The following LRRC7 variants were observed in gnomAD, a reference collection of about 807,000 sequenced individuals.
The protein encoded by LRRC7 is leucine-rich repeat-containing protein 7.
Under a neutral mutation model 175.7 loss-of-function variants are expected in LRRC7, and 23 were observed. The observed-to-expected ratio is 0.13, with a 90% CI of 0.09 to 0.19. LRRC7 has a LOEUF of 0.19. Among genes scored for constraint, LRRC7 ranks in the 10% least tolerant of loss-of-function variants. The pLI is 1.00. For synonymous variants in LRRC7, 685 were observed against 680.9 expected, an observed-to-expected ratio of 1.01 and a Z score of -0.09; for missense variants, 1,354 against 1,904.7, an observed-to-expected ratio of 0.71 and a Z score of 5.38.
chr1:70,089,605 T>G, intron 24 of LRRC7, 122 bp from the exon 25 acceptor site: 1 of 618,770 alleles, frequency 1.6e-6, no homozygotes, highest in East Asian at 3.1e-5. Context: ...GTGTATCAAC[T>G]CAACATAGGC....
intron 2 of LRRC7, among the ~76,000 whole-genome samples, chr1:69,707,241 C>T (rs565638264): frequency 3.3e-5 from 5 of 152,108 alleles, no homozygotes; most frequent in African/African-American, 1.2e-4. Context: ...AACAGTCTTT[C>T]GGCTTGTGTT....
At chr1:70,115,816 G>T (rs1665812032) in intron 26 of LRRC7, among the ~76,000 whole-genome samples, 1 of 151,662 alleles carries the variant, frequency 6.6e-6, no homozygotes, top group Admixed American at 6.5e-5. Context: ...TCATTTAAGA[G>T]CCTGATAAAA....
At chr1:69,801,013 T>C (rs531682419) in intron 4 of LRRC7, among the ~76,000 whole-genome samples, 6 of 152,070 alleles carry the variant, frequency 3.9e-5, no homozygotes, top group African/African-American at 1.4e-4. Context: ...TGTTTTTACT[T>C]TTGTTTATGT....
chr1:70,033,246 T>A (rs1658952057), intron 18 of LRRC7, among the ~76,000 whole-genome samples: 1 of 152,096 alleles, frequency 6.6e-6, no homozygotes. Flanking sequence ...GAATTATGAT[T>A]TTACCTCACT....
chr1:70,008,190 C>G (rs1424556160), intron 11 of LRRC7, among the ~76,000 whole-genome samples: 4 of 152,162 alleles, frequency 2.6e-5, no homozygotes, highest in Non-Finnish European at 5.9e-5. Context: ...AAGATGTAGG[C>G]TGGGGGGCTA....
At chr1:70,063,472 T>A (rs951251100) in intron 23 of LRRC7, among the ~76,000 whole-genome samples, 1 of 152,088 alleles carries the variant, frequency 6.6e-6, no homozygotes, top group African/African-American at 2.4e-5. Context: ...ATTGTTCTCA[T>A]TTGCTTATGG....
chr1:70,052,292 G>A (rs188869819), intron 22 of LRRC7, among the ~76,000 whole-genome samples: 1 of 151,986 alleles, frequency 6.6e-6, no homozygotes, highest in East Asian at 1.9e-4. Context: ...ATAAAGACAG[G>A]CAGGTATTAG....
intron 4 of LRRC7, among the ~76,000 whole-genome samples, chr1:69,793,512 T>C (rs1020276748): frequency 7.9e-5 from 12 of 152,114 alleles, no homozygotes; most frequent in African/African-American, 2.7e-4. Flanking sequence ...ATATCTGCAA[T>C]GCTCATTTCC....
At chr1:69,991,418 T>G (rs557598990) in intron 10 of LRRC7, among the ~76,000 whole-genome samples, 8 of 152,296 alleles carry the variant, frequency 5.3e-5, no homozygotes, top group African/African-American at 1.9e-4. Flanking sequence ...TGTAGTAGCT[T>G]ACTCCTTGAA....
intron 8 of LRRC7, among the ~76,000 whole-genome samples, chr1:69,948,429 T>G (rs1649566453): frequency 6.6e-6 from 1 of 152,146 alleles, no homozygotes; most frequent in Non-Finnish European, 1.5e-5. Flanking sequence ...CCACTCCAAC[T>G]GTAAAGTAAT....
At chr1:69,956,369 A>G (rs1462795222) in intron 8 of LRRC7, among the ~76,000 whole-genome samples, 1 of 151,768 alleles carries the variant, frequency 6.6e-6, no homozygotes. Flanking sequence ...AGAGCTGCAT[A>G]TGGGATTGGT....
chr1:69,796,509 G>A (rs1169562904), intron 4 of LRRC7, among the ~76,000 whole-genome samples: 1 of 152,056 alleles, frequency 6.6e-6, no homozygotes, highest in Non-Finnish European at 1.5e-5. Context: ...TTTCAGTCAG[G>A]TGCAGTGGCT....
intron 1 of LRRC7, among the ~76,000 whole-genome samples, chr1:69,571,162 G>GA (rs1449119263): frequency 1.3e-5 from 2 of 152,094 alleles, no homozygotes; most frequent in Non-Finnish European, 2.9e-5. Flanking sequence ...GACTATCCAA[G>GA]AAAAAATGTG....
intron 1 of LRRC7, among the ~76,000 whole-genome samples, chr1:69,600,878 C>T (rs1239579551): frequency 1.5e-5 from 2 of 131,254 alleles, no homozygotes; most frequent in African/African-American, 2.8e-5. Flanking sequence ...ATCGCACGCT[C>T]TCGGCTCACT....
At chr1:69,885,876 C>T in intron 7 of LRRC7, among the ~76,000 whole-genome samples, 1 of 118,354 alleles carries the variant, frequency 8.4e-6, no homozygotes, top group Non-Finnish European at 1.8e-5. Flanking sequence ...CGTTATGTAT[C>T]CAGTAGTCAT....
At chr1:69,774,222 G>A (rs534229945) in intron 3 of LRRC7, among the ~76,000 whole-genome samples, 1 of 152,280 alleles carries the variant, frequency 6.6e-6, no homozygotes, top group African/African-American at 2.4e-5. Flanking sequence ...GCTGCAGCCG[G>A]CTATACAGGG....
intron 7 of LRRC7, among the ~76,000 whole-genome samples, chr1:69,893,849 T>C (rs996839227): frequency 1.3e-5 from 2 of 152,114 alleles, no homozygotes; most frequent in Non-Finnish European, 2.9e-5. Flanking sequence ...AATGAGCTCT[T>C]GGTTTTGAGG....
chr1:70,073,840 C>A (rs1212887446), intron 23 of LRRC7, among the ~76,000 whole-genome samples: 2 of 152,234 alleles, frequency 1.3e-5, no homozygotes, highest in Non-Finnish European at 2.9e-5. Context: ...CCATCCCCGG[C>A]TCCTCTGACT....
chr1:69,930,860 C>G (rs1647296290), intron 7 of LRRC7, among the ~76,000 whole-genome samples: 1 of 152,134 alleles, frequency 6.6e-6, no homozygotes, highest in African/African-American at 2.4e-5. Flanking sequence ...AGAATTCTCA[C>G]TTTCATGAGA....
Sources: allele counts gnomAD v4.1 joint callset (sites outside exome capture counted in the v4.1 genomes callset), GRCh38; gene constraint gnomAD v4.1.1; transcripts MANE v1.5; gene names NCBI Gene and HGNC (gene_info 2026-07-23, HGNC 2026-07-21).